The following SNX10 variants were observed in gnomAD, a reference collection of about 807,000 sequenced individuals.
The protein encoded by SNX10 is sorting nexin-10.
In SNX10, 25 loss-of-function variants were observed where a neutral mutation model predicts 28.5. The observed-to-expected ratio is 0.88, with a 90% CI of 0.64 to 1.22. The LOEUF (loss-of-function observed/expected upper bound fraction) is 1.22. Ranked by LOEUF, SNX10 falls within the 50% of genes most tolerant of loss-of-function variation. The probability of loss-of-function intolerance (pLI) is 0.00; values close to 1 mark genes in which losing one functional copy is unlikely to be tolerated. For synonymous variants in SNX10, 62 were observed against 81.4 expected (o/e 0.76, Z 1.28); for missense variants, 223 against 242.6 (o/e 0.92, Z 0.54).
chr7:26,349,746 TCAGA>T (rs1373400568), intron 2 of SNX10, among the ~76,000 whole-genome samples: 1 of 152,256 alleles, frequency 6.6e-6, no homozygotes, highest in Non-Finnish European at 1.5e-5. Flanking sequence ...GAAGCGCATT[TCAGA>T]CAGTGTCTTT....
At chr7:26,336,204 C>T (rs1239060561) in intron 1 of SNX10, among the ~76,000 whole-genome samples, 2 of 151,956 alleles carry the variant, frequency 1.3e-5, no homozygotes, top group Non-Finnish European at 2.9e-5. Context: ...GTTTTACTTT[C>T]TTTTAAAAAA....
chr7:26,356,225 A>G (rs533150539), intron 2 of SNX10, among the ~76,000 whole-genome samples: 7 of 152,350 alleles, frequency 4.6e-5, no homozygotes, highest in Middle Eastern at 3.4e-3. Flanking sequence ...CTGTTTTCAC[A>G]TGGAGAACAG....
intron 2 of SNX10, among the ~76,000 whole-genome samples, chr7:26,347,924 T>C (rs17153475): frequency 0.29 from 43,259 of 151,484 alleles, 6,417 homozygotes; most frequent in South Asian, 0.54. Flanking sequence ...TCCAATCTTA[T>C]GTATGTAGCT....
At chr7:26,345,752 A>G (rs1465127165) in intron 1 of SNX10, among the ~76,000 whole-genome samples, 1 of 152,196 alleles carries the variant, frequency 6.6e-6, no homozygotes, top group Admixed American at 6.5e-5. Flanking sequence ...GGATATAGGC[A>G]GGGAATTTAA....
Position 26,364,304 on chromosome 7 carries a change from C to G in SNX10, c.112-231C>G, listed in dbSNP as rs1318894610. 7 of 1,229,944 alleles carry G rather than the reference C, an allele frequency of 5.7e-6. No homozygotes were observed. The East Asian group carries it at 2.4e-4, about 42-fold the overall frequency. 76.2% of individuals were successfully genotyped at this position (1,229,944 alleles called of 1,614,324 possible). A position where few individuals can be genotyped will look rare whatever the true frequency, so the allele number is the denominator to read the frequency against. On this transcript the variant is annotated intron_variant, in intron 3 of 6. Transcript: ENST00000338523. This position sits in a 1 kb window ranked among gnomAD's most constrained non-coding sequence, Gnocchi z 4.9. ...TTCAGGATGCAGGGAGTGGCCAGGT[C>G]ATACCTCACCCTGGGGCAACACTGC...
At chr7:26,343,744 A>G (rs1205140903) in intron 1 of SNX10, among the ~76,000 whole-genome samples, 1 of 152,166 alleles carries the variant, frequency 6.6e-6, no homozygotes, top group East Asian at 1.9e-4. Context: ...CCCACCGGCT[A>G]ACTTGGCTCT....
intron 1 of SNX10, among the ~76,000 whole-genome samples, chr7:26,329,921 T>C (rs1787668916): frequency 6.6e-6 from 1 of 151,816 alleles, no homozygotes; most frequent in Non-Finnish European, 1.5e-5. Context: ...AGGGAGGGCA[T>C]GTGACACAGT....
At chr7:26,303,254 G>C (rs1786448566) in intron 1 of SNX10, among the ~76,000 whole-genome samples, 1 of 152,360 alleles carries the variant, frequency 6.6e-6, no homozygotes, top group East Asian at 1.9e-4. Context: ...TAGCATTGGA[G>C]TTGGGGGCTT....
At chr7:26,339,530 C>CTTTTTTTTTTTT (rs142702810) in intron 1 of SNX10, among the ~76,000 whole-genome samples, 6 of 96,036 alleles carry the variant, frequency 6.2e-5, no homozygotes, top group East Asian at 2.8e-4. Flanking sequence ...TGAGCTTGAT[C>CTTTTTTTTTTTT]TTTTTTTTTT....
intron 1 of SNX10, among the ~76,000 whole-genome samples, chr7:26,327,839 C>T (rs1787565589): frequency 6.7e-6 from 1 of 148,362 alleles, no homozygotes. Context: ...ACGCCATTCT[C>T]CTGCCTCAGC....
rs547873479 is a variant in SNX10 at position 26,363,494 on chromosome 7, T to A, written c.112-1041T>A. On this transcript the variant is annotated intron_variant, in intron 3 of 6. Coordinates refer to ENST00000338523, the MANE Select transcript of SNX10 (RefSeq NM_013322.3). ...TAGATTAGAAAATCGGATTTTGAAA[T>A]ACAGAGACTAGAGATACTCATATTT... 4.6e-5 allele frequency among the ~76,000 whole-genome samples: 7 copies of A among 152,302 alleles called. No homozygotes were observed. In the East Asian group the frequency reaches 1.3e-3, roughly 29 times the overall value.
chr7:26,324,279 G>C (rs984233915), intron 1 of SNX10, among the ~76,000 whole-genome samples: 64 of 151,536 alleles, frequency 4.2e-4, no homozygotes, highest in Non-Finnish European at 4.0e-4. Flanking sequence ...GAAAAAAACC[G>C]TAAGGAAGTA....
At chr7:26,342,110 T>C (rs1788208080) in intron 1 of SNX10, among the ~76,000 whole-genome samples, 1 of 150,064 alleles carries the variant, frequency 6.7e-6, no homozygotes, top group African/African-American at 2.5e-5. Flanking sequence ...CACTGCAACC[T>C]GCACCTCCCA....
At chr7:26,349,826 A>G (rs1244668414) in intron 2 of SNX10, among the ~76,000 whole-genome samples, 2 of 152,110 alleles carry the variant, frequency 1.3e-5, no homozygotes, top group African/African-American at 2.4e-5. Flanking sequence ...TGATTTTTCT[A>G]CACTACTCAG....
intron 1 of SNX10, among the ~76,000 whole-genome samples, chr7:26,326,731 T>A (rs1421507444): frequency 1.3e-5 from 2 of 152,170 alleles, no homozygotes; most frequent in African/African-American, 4.8e-5. Context: ...ATAATTTTAT[T>A]TTTCCATATT....
intron 1 of SNX10, among the ~76,000 whole-genome samples, chr7:26,339,068 G>A (rs1788067742): frequency 6.6e-6 from 1 of 152,162 alleles, no homozygotes; most frequent in Non-Finnish European, 1.5e-5. Flanking sequence ...AAGGCAGACT[G>A]GACCCCAGGC....
At chr7:26,351,882 T>C (rs965410026) in intron 2 of SNX10, among the ~76,000 whole-genome samples, 4 of 151,864 alleles carry the variant, frequency 2.6e-5, no homozygotes, top group Non-Finnish European at 4.4e-5. Flanking sequence ...GGTCTAGATC[T>C]CCTGACCTCG....
chr7:26,302,587 TC>T (rs1378623697), intron 1 of SNX10, among the ~76,000 whole-genome samples: 1 of 152,172 alleles, frequency 6.6e-6, no homozygotes, highest in Non-Finnish European at 1.5e-5. Context: ...AATACCTTAC[TC>T]GTCTTGTGTG....
At chr7:26,341,582 C>T (rs1788179852) in intron 1 of SNX10, among the ~76,000 whole-genome samples, 1 of 151,388 alleles carries the variant, frequency 6.6e-6, no homozygotes, top group Admixed American at 6.6e-5. Context: ...GCAACCTTGG[C>T]TTCCTGGGTT....
Sources: gnomAD v4.1 joint callset for allele counts (sites outside exome capture counted in the v4.1 genomes callset) on GRCh38, gnomAD v4.1.1 for gene constraint, Gnocchi (gnomAD v3.1) non-coding constraint, MANE v1.5 for transcripts, NCBI Gene and HGNC (gene_info 2026-07-23, HGNC 2026-07-21) for gene names.